DPP6: variants seen among roughly 807,000 people sequenced by gnomAD.
DPP6 encodes dipeptidyl peptidase like 6.
A neutral mutation model predicts 122.6 loss-of-function variants in DPP6; 69 were observed. That is an observed-to-expected ratio of 0.56 (90% CI 0.46 to 0.69). The LOEUF is 0.69. Among genes scored for constraint, DPP6 ranks in the 30% least tolerant of loss-of-function variants. DPP6 has a pLI of 0.00. For synonymous variants in DPP6, 418 were observed against 433.1 expected, an observed-to-expected ratio of 0.97 and a Z score of 0.43; for missense variants, 928 against 1,116.9, an observed-to-expected ratio of 0.83 and a Z score of 2.41.
intron 8 of DPP6, among the ~76,000 whole-genome samples, chr7:154,761,896 C>T (rs1795582788): frequency 6.6e-6 from 1 of 152,062 alleles, no homozygotes; most frequent in African/African-American, 2.4e-5. Flanking sequence ...ACCCTGTGTC[C>T]AAGTGTCCTC....
At position 154,263,714 on chromosome 7, in the gene DPP6, G is replaced by A. The variant is rs1046745689; in HGVS notation, c.244-182500G>A. ...TTATTATTATTATTTTTGAGACAAA[G>A]TCTCACTCTGTCACCCAGGCTGGAG... On this transcript the variant is annotated intron_variant, in intron 1 of 25. Transcript: ENST00000377770. Among the ~76,000 whole-genome samples, 13 of 152,054 alleles carry A rather than the reference G, an allele frequency of 8.5e-5. No homozygotes were observed. In the South Asian group the frequency reaches 2.3e-3, roughly 27 times the overall value.
At chr7:153,890,462 A>G (rs55931022) in intron 1 of DPP6, among the ~76,000 whole-genome samples, 30,631 of 152,132 alleles carry the variant, frequency 0.2, 3,226 homozygotes, top group Non-Finnish European at 0.23. Context: ...AATGGTGACA[A>G]TAGCCTCCCG....
chr7:154,183,283 A>G (rs1278215044), intron 1 of DPP6, among the ~76,000 whole-genome samples: 1 of 152,188 alleles, frequency 6.6e-6, no homozygotes, highest in African/African-American at 2.4e-5. Flanking sequence ...GAAAATCCCA[A>G]AAGAACAGTG....
At chr7:154,037,582 TG>T (rs1799601832) in intron 1 of DPP6, among the ~76,000 whole-genome samples, 1 of 136,578 alleles carries the variant, frequency 7.3e-6, no homozygotes, top group East Asian at 2.1e-4. Flanking sequence ...TTTCAAAGTG[TG>T]GAAAAATTAT....
the DPP6 span, among the ~76,000 whole-genome samples, chr7:153,834,971 G>A: frequency 2.0e-5 from 3 of 152,190 alleles, no homozygotes; most frequent in African/African-American, 7.2e-5. Flanking sequence ...AGGAATGGTA[G>A]TATTAAGAGA....
At chr7:154,606,407 T>C (rs1401544704) in intron 5 of DPP6, among the ~76,000 whole-genome samples, 1 of 121,180 alleles carries the variant, frequency 8.3e-6, no homozygotes, top group Non-Finnish European at 1.9e-5. Flanking sequence ...TCCATTTCTA[T>C]TTTCTCAAAG....
rs1244927568 is a variant in DPP6 at position 154,060,613 on chromosome 7, G to A, written c.243+7550G>A. On this transcript the variant is annotated intron_variant, in intron 1 of 25. Transcript: ENST00000377770. ...AGAGCCAGTCCCTCTTCCCCCCCCTGGCTCTGAGGACCCCCATCGCAGGAG... is the reference window on the plus strand; with the variant it reads ...AGAGCCAGTCCCTCTTCCCCCCCCTAGCTCTGAGGACCCCCATCGCAGGAG... 1.4e-4 allele frequency among the ~76,000 whole-genome samples: 9 copies of A among 65,792 alleles called. No homozygotes were observed. The South Asian group carries it at 3.8e-3, about 28-fold the overall frequency. The allele number at this position is 65,792 out of a possible 152,430, so 43.2% of individuals were successfully genotyped here. A position where few individuals can be genotyped will look rare whatever the true frequency, so the allele number is the denominator to read the frequency against.
the DPP6 span, among the ~76,000 whole-genome samples, chr7:153,769,804 A>C: frequency 2.0e-5 from 3 of 152,184 alleles, no homozygotes; most frequent in South Asian, 6.2e-4. Flanking sequence ...AGAAGAGATA[A>C]AAGACTACAG....
At chr7:154,061,748 T>C (rs1341616972) in intron 1 of DPP6, among the ~76,000 whole-genome samples, 2,497 of 58,618 alleles carry the variant, frequency 0.043, 10 homozygotes, top group African/African-American at 0.073. Flanking sequence ...CCCCCTTTCC[T>C]CCCCTGGCTC....
At chr7:153,818,520 C>A in the DPP6 span, among the ~76,000 whole-genome samples, 1 of 152,074 alleles carries the variant, frequency 6.6e-6, no homozygotes, top group Admixed American at 6.5e-5. Context: ...GGAAAAGCTA[C>A]AGCTATCAGT....
intron 1 of DPP6, among the ~76,000 whole-genome samples, chr7:154,214,350 G>A (rs1338200359): frequency 6.6e-6 from 1 of 152,234 alleles, no homozygotes; most frequent in East Asian, 1.9e-4. Flanking sequence ...AGGACTTGAT[G>A]TGCTCATGGG....
chr7:154,303,464 C>T (rs1282898479), intron 1 of DPP6, among the ~76,000 whole-genome samples: 1 of 152,130 alleles, frequency 6.6e-6, no homozygotes, highest in Non-Finnish European at 1.5e-5. Flanking sequence ...ACTGAGGAAC[C>T]TGTGACCGTA....
intron 5 of DPP6, among the ~76,000 whole-genome samples, chr7:154,615,850 C>A (rs1834214440): frequency 6.6e-6 from 1 of 152,180 alleles, no homozygotes; most frequent in African/African-American, 2.4e-5. Flanking sequence ...TTTTCATCAT[C>A]CACAACAGAA....
intron 8 of DPP6, among the ~76,000 whole-genome samples, chr7:154,759,490 T>G (rs536743875): frequency 6.6e-6 from 1 of 152,320 alleles, no homozygotes; most frequent in Non-Finnish European, 1.5e-5. Flanking sequence ...GGCTGGACTC[T>G]CGAGGCCAGG....
chr7:153,789,452 A>G, the DPP6 span, among the ~76,000 whole-genome samples: 1 of 152,216 alleles, frequency 6.6e-6, no homozygotes, highest in Admixed American at 6.5e-5. Context: ...CCATACCTGA[A>G]TACCTAATGA....
At chr7:154,373,226 G>C (rs1185253017) in intron 1 of DPP6, among the ~76,000 whole-genome samples, 1 of 152,208 alleles carries the variant, frequency 6.6e-6, no homozygotes, top group Admixed American at 6.5e-5. Context: ...AGAACTAGAA[G>C]GTTCACAGTC....
At chr7:153,982,813 G>A (rs1796655993) in intron 1 of DPP6, among the ~76,000 whole-genome samples, 1 of 152,144 alleles carries the variant, frequency 6.6e-6, no homozygotes, top group Non-Finnish European at 1.5e-5. Flanking sequence ...TCTTCTGCAG[G>A]TCTGCTGGAG....
At chr7:154,798,439 T>A (rs928638848) in intron 12 of DPP6, among the ~76,000 whole-genome samples, 5 of 152,368 alleles carry the variant, frequency 3.3e-5, no homozygotes, top group Admixed American at 2.0e-4. Flanking sequence ...AAAGGTGGCA[T>A]GAATTAAAAT....
chr7:154,827,815 G>A (rs972840967), intron 16 of DPP6, among the ~76,000 whole-genome samples: 1 of 151,754 alleles, frequency 6.6e-6, no homozygotes, highest in Non-Finnish European at 1.5e-5. Context: ...GATCCCAAGC[G>A]GAGTGAGGAG....
Sources: gnomAD v4.1 joint callset for allele counts (sites outside exome capture counted in the v4.1 genomes callset) on GRCh38, gnomAD v4.1.1 for gene constraint, MANE v1.5 for transcripts, NCBI Gene and HGNC (gene_info 2026-07-23, HGNC 2026-07-21) for gene names.